The following USP53 variants were observed in gnomAD, a reference collection of about 807,000 sequenced individuals.
The protein encoded by USP53 is ubiquitin carboxyl-terminal hydrolase 53.
In USP53, 71 loss-of-function variants were observed where a neutral mutation model predicts 94.9. The ratio of observed to expected loss-of-function variants is 0.75; its 90% CI spans 0.62 to 0.91. The LOEUF (loss-of-function observed/expected upper bound fraction) is 0.91, where lower values mean the gene tolerates loss of function less well. Among genes scored for constraint, USP53 ranks in the 40% least tolerant of loss-of-function variants. USP53 has a pLI of 0.00. For synonymous variants in USP53, 375 were observed against 422.7 expected, an observed-to-expected ratio of 0.89 and a Z score of 1.39; for missense variants, 1,173 against 1,281.0, an observed-to-expected ratio of 0.92 and a Z score of 1.29.
At chr4:119,212,605 T>A, upstream of USP53, 2 of 408,662 alleles carry the variant, frequency 4.9e-6, no homozygotes, top group South Asian at 1.7e-5. Flanking sequence ...AGGGACCTGT[T>A]GATCGCAGGT....
intron 17 of USP53, 22 bp from the exon 18 acceptor site, chr4:119,291,143 T>TGCCCC: frequency 1.7e-5 from 13 of 747,418 alleles, no homozygotes; most frequent in Admixed American, 2.7e-5. Flanking sequence ...TCATCTCTTC[T>TGCCCC]CCCCACCCCA....
chr4:119,283,452 T>C (rs1017540089), intron 17 of USP53, among the ~76,000 whole-genome samples: 3 of 151,964 alleles, frequency 2.0e-5, no homozygotes, highest in African/African-American at 7.2e-5. Context: ...TGGTATACTG[T>C]AATTTGCATT....
intron 6 of USP53, 23 bp from the exon 7 acceptor site, chr4:119,248,724 AC>A (rs1316097521): frequency 1.2e-6 from 2 of 1,605,522 alleles, no homozygotes; most frequent in South Asian, 2.2e-5. Flanking sequence ...CATTAAACTT[AC>A]TGATTTTCTT....
At chr4:119,247,828 T>TA (rs1424330637) in intron 6 of USP53, among the ~76,000 whole-genome samples, 1 of 152,226 alleles carries the variant, frequency 6.6e-6, no homozygotes. Flanking sequence ...TAATTTTAGC[T>TA]ACTATAATGG....
In USP53 at chr4:119,292,986, A is replaced by G. The variant is rs749246734; in HGVS notation, c.2997A>G (p.Pro999=). The G allele has an allele frequency of 6.2e-7, 1 of 1,614,184 alleles. No homozygotes were observed. The stretch of plus-strand genomic sequence containing the variant: ...GTTTTGGCAACACACCAAACTGTCC[A>G]TCCAGCTCCTCAACTAACGATTTTC... The part of the protein sequence containing the change: ...RECFGNTPNC[P]SSSSTNDFQA... The change falls in exon 19 of 19, where the codon CCA becomes CCG. Residue 999 remains proline (P), a synonymous_variant. Coordinates refer to ENST00000692078, the MANE Select transcript of USP53 (RefSeq NM_001371395.1).
rs760784417 is a variant in USP53, at chr4:119,271,381, A to G, written c.1521A>G (p.Leu507=). 3.1e-6 allele frequency: 5 copies of G among 1,613,440 alleles called. No homozygotes were observed. The highest frequency in any genetic ancestry group is 1.7e-5 in the Admixed American group (1 of 59,852). Residue 507 remains leucine (L), a synonymous_variant, in exon 16 of 19, where the codon CTA becomes CTG. Transcript: ENST00000692078. ...NGFKQHGNPH[L]YHSQGKGSYK... Reference sequence around the variant, plus strand: ...TTAAACAACATGGGAATCCACATCTATATCATAGTCAAGGAAAAGGATCAT... The same window carrying G: ...TTAAACAACATGGGAATCCACATCTGTATCATAGTCAAGGAAAAGGATCAT...
Position 119,239,820 on chromosome 4 carries a change from G to A in USP53, c.61G>A (p.Gly21Arg), listed in dbSNP as rs1199290751. 1.2e-6 allele frequency: 2 copies of A among 1,612,582 alleles called. No homozygotes were observed. The highest frequency in any genetic ancestry group is 2.2e-5 in the South Asian group (2 of 90,746). Residue 21 changes from glycine to arginine, a missense_variant, in exon 5 of 19, where the codon GGA becomes AGA. Gly to Arg is a moderately radical substitution (Grantham distance 125, BLOSUM62 -2). Coordinates refer to ENST00000692078, the MANE Select transcript of USP53 (RefSeq NM_001371395.1). ...CAATCTTGGAAAAGTTTATCAGCCTGGAAGTATGCTATCACTAGCCCCTAC... is the reference window on the plus strand; with the variant it reads ...CAATCTTGGAAAAGTTTATCAGCCTAGAAGTATGCTATCACTAGCCCCTAC... ...GGNLGKVYQP[G>R]SMLSLAPTKG...
intron 4 of USP53, among the ~76,000 whole-genome samples, chr4:119,237,464 G>A (rs922533766): frequency 7.2e-5 from 11 of 152,052 alleles, no homozygotes; most frequent in African/African-American, 1.9e-4. Flanking sequence ...CTTCTGGGTC[G>A]GGGTTTTGTA....
Position 119,271,919 on chromosome 4 carries a change from G to C in USP53, c.2059G>C (p.Gly687Arg), listed in dbSNP as rs772577597. Residue 687 changes from glycine (G) to arginine (R), a missense_variant, in exon 16 of 19, where the codon GGA becomes CGA. Gly to Arg is a moderately radical substitution (Grantham distance 125). Transcript: ENST00000692078. ...DNWQMQRTES[G>R]YESSDHISNG... ...TTGGCAGATGCAAAGGACTGAGTCT[G>C]GATATGAAAGCAGTGATCACATCAG... 3 of 1,614,106 alleles carry C rather than the reference G, an allele frequency of 1.9e-6. No individual in the cohort carries two copies. The highest frequency in any genetic ancestry group is 2.5e-6 in the Non-Finnish European group (3 of 1,180,002).
chr4:119,222,238 C>T (rs898138894), intron 3 of USP53, among the ~76,000 whole-genome samples: 2 of 152,070 alleles, frequency 1.3e-5, no homozygotes, highest in Non-Finnish European at 2.9e-5. Flanking sequence ...TATAAGCATA[C>T]AGTGTATAAT....
intron 8 of USP53, 29 bp downstream of exon 8, chr4:119,256,388 T>C: frequency 6.2e-7 from 1 of 1,613,174 alleles, no homozygotes; most frequent in Non-Finnish European, 8.5e-7. Flanking sequence ...TATTTAGATA[T>C]TGTAGTTCTG....
At chr4:119,219,605 A>C (rs1744239548) in intron 3 of USP53, 1 of 152,254 alleles carries the variant, frequency 6.6e-6, no homozygotes, top group Non-Finnish European at 1.5e-5. Context: ...TTAAGATGCC[A>C]TTATCATTTA....
chr4:119,245,617 TAAA>T (rs1748128907), intron 6 of USP53, among the ~76,000 whole-genome samples, 188 bp downstream of exon 6: 2 of 152,232 alleles, frequency 1.3e-5, no homozygotes, highest in African/African-American at 4.8e-5. Context: ...TAAGGACAGT[TAAA>T]AATTAATATT....
At chr4:119,263,838 A>G (rs1219396750) in intron 12 of USP53, among the ~76,000 whole-genome samples, 1 of 152,114 alleles carries the variant, frequency 6.6e-6, no homozygotes, top group Non-Finnish European at 1.5e-5. Context: ...TTGGGAGGCC[A>G]AAGTGGGCAG....
At chr4:119,288,237 A>G (rs1329280595) in intron 17 of USP53, among the ~76,000 whole-genome samples, 3 of 152,256 alleles carry the variant, frequency 2.0e-5, no homozygotes, top group African/African-American at 7.2e-5. Flanking sequence ...TAACACAAAT[A>G]ACATTTTTAA....
chr4:119,248,853 G>C lies in USP53; in HGVS notation c.343G>C (p.Gly115Arg), dbSNP rs1458227895. ...CAAAGATGAGCAGCGATTTCAACTT[G>C]GCCTTATGGATGATGCTGCGGAGTG... is the stretch of plus-strand genomic sequence containing the variant. ...SFKDEQRFQLGLMDDAAECFE... is the reference protein window; with the variant it reads ...SFKDEQRFQLRLMDDAAECFE... Residue 115 changes from glycine (G) to arginine (R), a missense_variant, in exon 7 of 19, where the codon GGC becomes CGC. By Grantham distance (125) the Gly-to-Arg change is moderately radical (BLOSUM62 -2). Transcript: ENST00000692078. 4 of 1,614,094 alleles carry C rather than the reference G, an allele frequency of 2.5e-6. No individual in the cohort carries two copies. The highest frequency in any genetic ancestry group is 2.5e-6 in the Non-Finnish European group (3 of 1,180,006).
intron 1 of USP53, among the ~76,000 whole-genome samples, chr4:119,213,660 A>ATATATATATATGTGTGTGTGTGTG: frequency 4.2e-5 from 5 of 117,782 alleles, no homozygotes; most frequent in African/African-American, 1.1e-4. Context: ...ATATATATAT[A>ATATATATATATGTGTGTGTGTGTG]TGTGTGTGTG....
At chr4:119,214,775 CA>C (rs2149248309) in intron 2 of USP53, among the ~76,000 whole-genome samples, 1 of 152,180 alleles carries the variant, frequency 6.6e-6, no homozygotes, top group Admixed American at 6.5e-5. Flanking sequence ...TTTAGCAAGA[CA>C]AAGTTTAAAA....
chr4:119,288,068 T>G (rs1443077106), intron 17 of USP53, among the ~76,000 whole-genome samples: 1 of 152,202 alleles, frequency 6.6e-6, no homozygotes, highest in Admixed American at 6.5e-5. Context: ...TTTATAATCT[T>G]AGAAAAGGAT....
Sources: gnomAD v4.1 joint callset for allele counts (sites outside exome capture counted in the v4.1 genomes callset) on GRCh38, gnomAD v4.1.1 for gene constraint, MANE v1.5 for transcripts, NCBI Gene and HGNC (gene_info 2026-07-23, HGNC 2026-07-21) for gene names.